CAMTA1: variants seen among roughly 807,000 people sequenced by gnomAD.
CAMTA1 encodes calmodulin binding transcription activator 1.
CAMTA1 carries 27 observed loss-of-function variants against 170.9 expected under a neutral mutation model. That is an observed-to-expected ratio of 0.16 (90% CI 0.12 to 0.22). The LOEUF (loss-of-function observed/expected upper bound fraction) is 0.22. Among genes scored for constraint, CAMTA1 ranks in the 10% least tolerant of loss-of-function variants. The pLI is 1.00. For synonymous variants in CAMTA1, 833 were observed against 891.5 expected (o/e 0.93, Z 1.17); for missense variants, 1,619 against 2,217.2 (o/e 0.73, Z 5.42).
chr1:6,938,383 T>C (rs1299794112), intron 3 of CAMTA1, among the ~76,000 whole-genome samples: 1 of 152,018 alleles, frequency 6.6e-6, no homozygotes, highest in Non-Finnish European at 1.5e-5. Flanking sequence ...TGCAGAGAGC[T>C]GGCCCTGGGG....
chr1:6,985,502 G>C (rs1167372229), intron 3 of CAMTA1, among the ~76,000 whole-genome samples: 1 of 152,206 alleles, frequency 6.6e-6, no homozygotes, highest in African/African-American at 2.4e-5. Flanking sequence ...CCCTACTTCA[G>C]TGCTTTTTGT....
chr1:7,737,111 C>CTCTT, intron 14 of CAMTA1, 102 bp downstream of exon 14: 21 of 1,324,026 alleles, frequency 1.6e-5, no homozygotes, highest in Non-Finnish European at 2.3e-5. Context: ...TGGCATGTTT[C>CTCTT]GGAGATACTT....
intron 5 of CAMTA1, among the ~76,000 whole-genome samples, chr1:7,460,632 A>C (rs2093062884): frequency 2.0e-5 from 3 of 147,324 alleles, no homozygotes; most frequent in Non-Finnish European, 3.0e-5. Flanking sequence ...TCTGCCTCTC[A>C]CCTGCTCCTG....
rs561272935 is a variant in CAMTA1 at position 7,592,932 on chromosome 1, T to C, written c.511-47468T>C. 1.3e-5 allele frequency among the ~76,000 whole-genome samples: 2 copies of C among 152,342 alleles called. No individual in the cohort carries two copies. The highest frequency in any genetic ancestry group is 3.9e-4 in the East Asian group (2 of 5,180). ...CCTCAGCAGGGCCGAGAGGCAGAACTGCTGTTCCAAGGAGGAAACTGATGC... is the reference window on the plus strand; with the variant it reads ...CCTCAGCAGGGCCGAGAGGCAGAACCGCTGTTCCAAGGAGGAAACTGATGC... On this transcript the variant is annotated intron_variant, in intron 6 of 22. Coordinates refer to ENST00000303635, the MANE Select transcript of CAMTA1 (RefSeq NM_015215.4). This position sits in a 1 kb window ranked among gnomAD's most constrained non-coding sequence, Gnocchi z 4.6.
chr1:7,547,796 C>T lies in CAMTA1; in HGVS notation c.510+79895C>T, dbSNP rs998365713. Among the ~76,000 whole-genome samples the T allele has an allele frequency of 1.4e-4, 22 of 151,776 alleles. No individual in the cohort carries two copies. Among genetic ancestry groups the T allele is most frequent in the Middle Eastern group, 3.2e-3 (1 of 316 alleles). On this transcript the variant is annotated intron_variant, in intron 6 of 22. Coordinates refer to ENST00000303635, the MANE Select transcript of CAMTA1 (RefSeq NM_015215.4). The surrounding 1 kb of genome is among the most constrained non-coding windows in gnomAD (Gnocchi z 5.7). Reference sequence around the variant, plus strand: ...TCTTCCAACATAATCTCCCTGTACACAACCAGTCTCACATCTCTGCCACCC... The same window carrying T: ...TCTTCCAACATAATCTCCCTGTACATAACCAGTCTCACATCTCTGCCACCC...
chr1:7,550,591 A>G (rs886786324), intron 6 of CAMTA1, among the ~76,000 whole-genome samples: 2 of 140,648 alleles, frequency 1.4e-5, no homozygotes, highest in Non-Finnish European at 3.1e-5. Context: ...GACCCTCTTT[A>G]ACGTGATCTT....
chr1:7,220,422 C>T (rs1173332615), intron 4 of CAMTA1, among the ~76,000 whole-genome samples: 2 of 152,200 alleles, frequency 1.3e-5, no homozygotes, highest in Non-Finnish European at 1.5e-5. Context: ...GGTTGAGTCT[C>T]GCCTGCTGTG....
chr1:6,810,503 G>T (rs111256092), intron 1 of CAMTA1, among the ~76,000 whole-genome samples: 2,656 of 152,254 alleles, frequency 0.017, 38 homozygotes, highest in South Asian at 0.033. Context: ...GGGGGAGGGG[G>T]TTACACAAAG....
At chr1:6,794,574 G>GCTTTTT (rs1641982612) in intron 1 of CAMTA1, among the ~76,000 whole-genome samples, 1 of 152,234 alleles carries the variant, frequency 6.6e-6, no homozygotes, top group African/African-American at 2.4e-5. Flanking sequence ...TGTCCTTACA[G>GCTTTTT]TTTTGTGCTT....
chr1:7,586,358 G>A (rs184384253), intron 6 of CAMTA1, among the ~76,000 whole-genome samples: 9 of 152,290 alleles, frequency 5.9e-5, no homozygotes, highest in Middle Eastern at 3.4e-3. Context: ...CGCAGAAGGC[G>A]CCTTATCTGC....
chr1:7,258,295 T>C (rs1356545881), intron 5 of CAMTA1, among the ~76,000 whole-genome samples: 1 of 152,234 alleles, frequency 6.6e-6, no homozygotes, highest in African/African-American at 2.4e-5. Flanking sequence ...TAAAACTTGA[T>C]ATGAGCCTTA....
At chr1:7,480,192 T>A (rs1031736621) in intron 6 of CAMTA1, among the ~76,000 whole-genome samples, 2 of 121,726 alleles carry the variant, frequency 1.6e-5, no homozygotes, top group South Asian at 5.7e-4. Context: ...AGTGCATGTG[T>A]GTGCATGTGT....
At chr1:7,277,456 G>GGGGTGT (rs1553119338) in intron 5 of CAMTA1, among the ~76,000 whole-genome samples, 4 of 135,368 alleles carry the variant, frequency 3.0e-5, no homozygotes, top group South Asian at 2.5e-4. Flanking sequence ...TCCAAGCAAT[G>GGGGTGT]GTGTGTGTGT....
In CAMTA1 at chr1:7,099,381, C is replaced by T. The variant is rs780649730; in HGVS notation, c.302+8010C>T. Among the ~76,000 whole-genome samples the T allele has an allele frequency of 5.3e-5, 8 of 152,096 alleles. No individual in the cohort carries two copies. The South Asian group carries it at 6.2e-4, about 12-fold the overall frequency. The stretch of plus-strand genomic sequence containing the variant: ...TTCTTTTATTTTTATAAAAATTATA[C>T]GTGTACATAGTTTAGTATGTCAAAT... On this transcript the variant is annotated intron_variant, in intron 4 of 22. Coordinates refer to ENST00000303635, the MANE Select transcript of CAMTA1 (RefSeq NM_015215.4).
chr1:7,369,656 C>A (rs190449645), intron 5 of CAMTA1, among the ~76,000 whole-genome samples: 1 of 151,850 alleles, frequency 6.6e-6, no homozygotes, highest in Non-Finnish European at 1.5e-5. Flanking sequence ...CCAGGAAGCT[C>A]GCTGGGCCTT....
At chr1:7,316,683 G>T (rs184135836) in intron 5 of CAMTA1, among the ~76,000 whole-genome samples, 8 of 152,290 alleles carry the variant, frequency 5.3e-5, no homozygotes, top group Non-Finnish European at 8.8e-5. Flanking sequence ...GAAAGGCCTG[G>T]CCTTTTGTTT....
At position 7,063,993 on chromosome 1, in the gene CAMTA1, C is replaced by T. The variant is rs901669902; in HGVS notation, c.235-27311C>T. 2.0e-5 allele frequency among the ~76,000 whole-genome samples: 3 copies of T among 152,174 alleles called. No individual in the cohort carries two copies. The highest frequency in any genetic ancestry group is 2.9e-5 in the Non-Finnish European group (2 of 68,030). On this transcript the variant is annotated intron_variant, in intron 3 of 22. Coordinates refer to ENST00000303635, the MANE Select transcript of CAMTA1 (RefSeq NM_015215.4). The surrounding 1 kb of genome is among the most constrained non-coding windows in gnomAD (Gnocchi z 4.3). ...TCCAAGATTAAGGCACTGGCAGATT[C>T]GATTCCTGATGATGGCTCTGGCCTG...
chr1:7,249,538 A>G lies in CAMTA1; in HGVS notation c.350A>G (p.Tyr117Cys). 1 of 1,614,178 alleles carries G rather than the reference A, an allele frequency of 6.2e-7. No homozygotes were observed. Among genetic ancestry groups the G allele is most frequent in the Non-Finnish European group, 8.5e-7 (1 of 1,180,008 alleles). ...MILYNRKKVK[Y>C]RKDGYCWKKR... ...CTCTACAACAGGAAGAAAGTGAAAT[A>G]CAGGAAAGATGGGTATTGCTGGAAA... Residue 117 changes from tyrosine (Y) to cysteine (C), a missense_variant, in exon 5 of 23, where the codon TAC becomes TGC. Tyr to Cys is a radical substitution (Grantham distance 194). This residue lies in a region of CAMTA1 where 97 missense variants were observed against 225.4 expected (regional missense o/e 0.43). Transcript: ENST00000303635. The surrounding 1 kb of genome is among the most constrained non-coding windows in gnomAD (Gnocchi z 4.4).
intron 4 of CAMTA1, among the ~76,000 whole-genome samples, chr1:7,207,620 C>T (rs541295666): frequency 6.6e-6 from 1 of 152,290 alleles, no homozygotes; most frequent in Admixed American, 6.5e-5. Context: ...GGGTACATTG[C>T]AGGATCCTGG....
Sources: gnomAD v4.1 joint callset for allele counts (sites outside exome capture counted in the v4.1 genomes callset) on GRCh38, gnomAD v4.1.1 for gene constraint, gnomAD v4.1.1 regional missense constraint, Gnocchi (gnomAD v3.1) non-coding constraint, MANE v1.5 for transcripts, NCBI Gene and HGNC (gene_info 2026-07-23, HGNC 2026-07-21) for gene names.